The following USP34 variants were observed in gnomAD, a reference collection of about 807,000 sequenced individuals.
The protein encoded by USP34 is ubiquitin carboxyl-terminal hydrolase 34.
In USP34, 70 loss-of-function variants were observed where a neutral mutation model predicts 460.3. That is an observed-to-expected ratio of 0.15 (90% CI 0.13 to 0.19). The LOEUF is 0.19. USP34 is among the 10% of genes least tolerant of loss of function. USP34 has a pLI of 1.00. For missense variants in USP34, 3,985 were observed against 4,236.2 expected, an observed-to-expected ratio of 0.94 and a Z score of 1.65; for synonymous variants, 1,647 against 1,405.3, an observed-to-expected ratio of 1.17 and a Z score of -3.85.
chr2:61,301,390 T>C lies in USP34; in HGVS notation c.3882A>G (p.Glu1294=). 1 of 1,614,072 alleles carries C rather than the reference T, an allele frequency of 6.2e-7. No homozygotes were observed. Among genetic ancestry groups the C allele is most frequent in the African/African-American group, 1.3e-5 (1 of 75,056 alleles). Residue 1294 remains glutamate (E), a synonymous_variant, in exon 28 of 80, where the codon GAA becomes GAG. Coordinates refer to ENST00000398571, the MANE Select transcript of USP34 (RefSeq NM_014709.4). The part of the protein sequence containing the change: ...SGHELTTDYD[E]KALHELGFKD... ...TAAAACCAAGCTCATGAAGTGCTTT[T>C]TCATCATAATCTGTTGTTAACTCGT...
At chr2:61,412,290 A>AG (rs1273487296) in intron 2 of USP34, among the ~76,000 whole-genome samples, 1 of 151,488 alleles carries the variant, frequency 6.6e-6, no homozygotes, top group Non-Finnish European at 1.5e-5. Flanking sequence ...AAAAAGGAAA[A>AG]AAAGATTTTA....
intron 24 of USP34, 42 bp from the exon 25 acceptor site, chr2:61,314,786 C>A: frequency 2.5e-6 from 4 of 1,578,198 alleles, no homozygotes; most frequent in Non-Finnish European, 3.4e-6. Flanking sequence ...GCCTTATATT[C>A]TTGTTTAGCT....
In USP34 at chr2:61,319,122, T is replaced by C. The variant is rs755877133; in HGVS notation, c.3168+51A>G. ...ATTACAGAATTCGTATTTCAAGAGA[T>C]GAAAAAGGGAACATGGAAAAATAAT... On this transcript the variant is annotated intron_variant, in intron 22 of 79. Coordinates refer to ENST00000398571, the MANE Select transcript of USP34 (RefSeq NM_014709.4). 8.0e-6 allele frequency: 12 copies of C among 1,494,558 alleles called. No homozygotes were observed. In the Admixed American group the frequency reaches 2.6e-4, roughly 33 times the overall value. The allele number at this position is 1,494,558 out of a possible 1,614,324, so 92.6% of individuals were successfully genotyped here.
rs776893109 is a variant in USP34, at chr2:61,348,008, T to C, written c.2147A>G (p.Gln716Arg). ...SGEMNATHIA[Q>R]GSQESCITRT... ...TGTGATACAAGACTCCTGAGACCCT[T>C]GTGCTATATGAGTAGCATTCATTTC... Residue 716 changes from glutamine to arginine, a missense_variant, in exon 15 of 80, where the codon CAA becomes CGA. Physicochemically the swap from Gln to Arg is conservative, Grantham distance 43. Transcript: ENST00000398571. The C allele has an allele frequency of 1.2e-6, 2 of 1,614,186 alleles. No individual in the cohort carries two copies. Among genetic ancestry groups the C allele is most frequent in the Non-Finnish European group, 1.7e-6 (2 of 1,180,026 alleles).
chr2:61,291,997 G>A (rs780112650), intron 33 of USP34, among the ~76,000 whole-genome samples: 7 of 152,130 alleles, frequency 4.6e-5, no homozygotes, highest in Non-Finnish European at 7.4e-5. Context: ...TATAGGAAAT[G>A]TCCAGAATGG....
rs1410102593 is a variant in USP34, at chr2:61,347,512, T to C, written c.2285+358A>G. On this transcript the variant is annotated intron_variant, in intron 15 of 79. Coordinates refer to ENST00000398571, the MANE Select transcript of USP34 (RefSeq NM_014709.4). Reference sequence around the variant, plus strand: ...CCTCAGCCTCCCAAGTAGCTGGGATTACAGGCGTGCACCACCATGCCCGGC... The same window carrying C: ...CCTCAGCCTCCCAAGTAGCTGGGATCACAGGCGTGCACCACCATGCCCGGC... 3.3e-5 allele frequency among the ~76,000 whole-genome samples: 5 copies of C among 152,278 alleles called. No individual in the cohort carries two copies. The South Asian group carries it at 6.2e-4, about 19-fold the overall frequency.
rs146063825 is a variant in USP34 at position 61,364,102 on chromosome 2, A to C, written c.1251+6219T>G. Among the ~76,000 whole-genome samples, 4 of 152,358 alleles carry C rather than the reference A, an allele frequency of 2.6e-5. No individual in the cohort carries two copies. The East Asian group carries it at 7.7e-4, about 29-fold the overall frequency. ...ATGACAGAATGTAAAACAGCTGAGC[A>C]TGGTGGCTCACACCTAAAATCCCCG... On this transcript the variant is annotated intron_variant, in intron 10 of 79. Transcript: ENST00000398571.
chr2:61,256,428 C>T lies in USP34; in HGVS notation c.6177G>A (p.Met2059Ile). The change falls in exon 48 of 80, where the codon ATG becomes ATA. Residue 2059 changes from methionine (M) to isoleucine (I), a missense_variant. Physicochemically the swap from Met to Ile is conservative, Grantham distance 10. Coordinates refer to ENST00000398571, the MANE Select transcript of USP34 (RefSeq NM_014709.4). ...TIKDTLEGDNMYTCSHCGKKV... is the reference protein window; with the variant it reads ...TIKDTLEGDNIYTCSHCGKKV... ...TCTTCCCACAATGAGAACAAGTATACATGTTATCACCTTCCAAAGTGTCTT... is the reference window on the plus strand; with the variant it reads ...TCTTCCCACAATGAGAACAAGTATATATGTTATCACCTTCCAAAGTGTCTT... 1 of 1,611,910 alleles carries T rather than the reference C, an allele frequency of 6.2e-7. No individual in the cohort carries two copies. Among genetic ancestry groups the T allele is most frequent in the Non-Finnish European group, 8.5e-7 (1 of 1,179,274 alleles).
Position 61,283,157 on chromosome 2 carries a change from G to C in USP34, c.4986C>G (p.Leu1662=). The C allele has an allele frequency of 6.2e-7, 1 of 1,613,112 alleles. No homozygotes were observed. The highest frequency in any genetic ancestry group is 8.5e-7 in the Non-Finnish European group (1 of 1,179,500). Reference sequence around the variant, plus strand: ...ATCTTTATCTTACCTCAGGAATAAGGAGAGTCAATTTCTTTAGCCAATCTT... The same window carrying C: ...ATCTTTATCTTACCTCAGGAATAAGCAGAGTCAATTTCTTTAGCCAATCTT... The part of the protein sequence containing the change: ...HLQDWLKKLT[L]LIPETAVRHE... The change falls in exon 37 of 80, where the codon CTC becomes CTG. Residue 1662 remains leucine (L), a synonymous_variant. Transcript: ENST00000398571.
At chr2:61,318,433 A>G (rs1050969432) in intron 22 of USP34, among the ~76,000 whole-genome samples, 4 of 152,190 alleles carry the variant, frequency 2.6e-5, no homozygotes, top group African/African-American at 9.7e-5. Context: ...CAAAAGTTAT[A>G]TTTGTAGCTC....
Position 61,204,531 on chromosome 2 carries a change from G to A in USP34, c.9225C>T (p.His3075=), listed in dbSNP as rs763239753. The part of the protein sequence containing the change: ...FLHTLVPFLQ[H]NHCTYHHSNI... Reference sequence around the variant, plus strand: ...TACTGTGATGGTAAGTACAATGGTTGTGTTGTAGAAAGGGAACCAGAGTAT... The same window carrying A: ...TACTGTGATGGTAAGTACAATGGTTATGTTGTAGAAAGGGAACCAGAGTAT... The change falls in exon 73 of 80, where the codon CAC becomes CAT. Residue 3075 remains histidine, a synonymous_variant. Transcript: ENST00000398571. 3 of 1,614,014 alleles carry A rather than the reference G, an allele frequency of 1.9e-6. No individual in the cohort carries two copies. Among genetic ancestry groups the A allele is most frequent in the African/African-American group, 2.7e-5 (2 of 74,938 alleles).
chr2:61,284,895 C>T lies in USP34; in HGVS notation c.4812G>A (p.Thr1604=), dbSNP rs372618825. Residue 1604 remains threonine (T), a synonymous_variant, in exon 35 of 80, where the codon ACG becomes ACA. Transcript: ENST00000398571. ...LIQRLMSVAY[T]YDNLAPRVLK... The stretch of plus-strand genomic sequence containing the variant: ...CATACCTAGGAGCCAGATTATCATA[C>T]GTATAAGCAACAGACATAAGTCGCT... 104 of 1,610,242 alleles carry T rather than the reference C, an allele frequency of 6.5e-5. No homozygotes were observed. Among genetic ancestry groups the T allele is most frequent in the Middle Eastern group, 5.6e-4 (3 of 5,386 alleles).
At chr2:61,356,215 CAG>C (rs1227040797) in intron 10 of USP34, among the ~76,000 whole-genome samples, 1 of 151,566 alleles carries the variant, frequency 6.6e-6, no homozygotes, top group Admixed American at 6.6e-5. Flanking sequence ...AGGCCAGGCA[CAG>C]TGGCTCATGC....
chr2:61,256,747 T>C (rs767845029), intron 47 of USP34, 126 bp downstream of exon 47: 1 of 709,962 alleles, frequency 1.4e-6, no homozygotes, highest in African/African-American at 1.8e-5. Flanking sequence ...ATTTGAATAG[T>C]ACAGTAAGAA....
chr2:61,461,111 C>T (rs1356324581), intron 1 of USP34, among the ~76,000 whole-genome samples: 2 of 151,698 alleles, frequency 1.3e-5, no homozygotes, highest in East Asian at 3.9e-4. Flanking sequence ...GTAAGAGGGG[C>T]CGGGCAGGGT....
At chr2:61,397,693 G>T (rs551194249) in intron 3 of USP34, among the ~76,000 whole-genome samples, 3 of 152,014 alleles carry the variant, frequency 2.0e-5, no homozygotes, top group Non-Finnish European at 4.4e-5. Flanking sequence ...GATGTCAGGA[G>T]ATCAAGACCA....
Position 61,349,354 on chromosome 2 carries a change from G to A in USP34, c.1508-69C>T, listed in dbSNP as rs542875141. The A allele has an allele frequency of 1.3e-5, 19 of 1,501,882 alleles. No homozygotes were observed. The African/African-American group carries it at 2.2e-4, about 18-fold the overall frequency. 93.0% of individuals were successfully genotyped at this position (1,501,882 alleles called of 1,614,324 possible). ...TCAGCTTCTTTGAGACAGCGTATCA[G>A]TTGTTCATATTACATAATCAACAAG... On this transcript the variant is annotated intron_variant, in intron 12 of 79. Transcript: ENST00000398571.
chr2:61,370,491 C>T lies in USP34; in HGVS notation c.1158+7G>A, dbSNP rs1558554551. On this transcript the variant is annotated splice_region_variant and intron_variant, in intron 9 of 79. Coordinates refer to ENST00000398571, the MANE Select transcript of USP34 (RefSeq NM_014709.4). The stretch of plus-strand genomic sequence containing the variant: ...AGAACAGAGAAGTTATGTAATCATC[C>T]ACAAACCTCAATATGTAAATTTGGT... 2 of 1,613,578 alleles carry T rather than the reference C, an allele frequency of 1.2e-6. No individual in the cohort carries two copies. The highest frequency in any genetic ancestry group is 2.2e-5 in the East Asian group (1 of 44,848).
At chr2:61,381,129 G>C (rs1476371740) in intron 6 of USP34, among the ~76,000 whole-genome samples, 1 of 151,272 alleles carries the variant, frequency 6.6e-6, no homozygotes, top group Non-Finnish European at 1.5e-5. Flanking sequence ...TTGTTTATCT[G>C]CTGACCTTCC....
Sources: allele counts gnomAD v4.1 joint callset (sites outside exome capture counted in the v4.1 genomes callset), GRCh38; gene constraint gnomAD v4.1.1; transcripts MANE v1.5; gene names NCBI Gene and HGNC (gene_info 2026-07-23, HGNC 2026-07-21).